Variants in TMCC2 observed in about 807,000 individuals in gnomAD.
TMCC2 encodes the protein transmembrane and coiled-coil domain family 2, also known as transmembrane and coiled-coil domains protein 2.
A neutral mutation model predicts 49.4 loss-of-function variants in TMCC2; 16 were observed. The ratio of observed to expected loss-of-function variants is 0.32; its 90% CI spans 0.22 to 0.49. TMCC2 has a LOEUF of 0.49. Among genes scored for constraint, TMCC2 ranks in the 20% least tolerant of loss-of-function variants. TMCC2 has a pLI of 0.99. For missense variants in TMCC2, 762 were observed against 989.8 expected (o/e 0.77, Z 3.09); for synonymous variants, 397 against 434.1 (o/e 0.91, Z 1.06).
intron 1 of TMCC2, among the ~76,000 whole-genome samples, chr1:205,239,494 G>C (rs1002699696): frequency 3.2e-4 from 49 of 152,214 alleles, no homozygotes; most frequent in Non-Finnish European, 6.9e-4. Flanking sequence ...AGCTGGCATT[G>C]TGTAACTTAA....
At chr1:205,234,536 GAAATACT>G (rs1443936782) in intron 1 of TMCC2, among the ~76,000 whole-genome samples, 6 of 152,164 alleles carry the variant, frequency 3.9e-5, no homozygotes, top group Non-Finnish European at 8.8e-5. Flanking sequence ...CAAATAGGAT[GAAATACT>G]TCTAAGAAAA....
intron 2 of TMCC2, among the ~76,000 whole-genome samples, chr1:205,265,407 A>G (rs1027492214): frequency 6.6e-6 from 1 of 152,326 alleles, no homozygotes; most frequent in Admixed American, 6.5e-5. Flanking sequence ...ACACTCCTGT[A>G]TAGTCCTAAA....
chr1:205,230,140 G>A, intron 1 of TMCC2: 2 of 985,564 alleles, frequency 2.0e-6, no homozygotes, highest in Non-Finnish European at 2.4e-6. Flanking sequence ...TTTGGCCTGA[G>A]CAGCTCAGAG....
intron 2 of TMCC2, chr1:205,246,562 C>T (rs1280444553): frequency 1.3e-5 from 20 of 1,547,052 alleles, no homozygotes; most frequent in East Asian, 7.4e-5. Context: ...GCTCTGCACG[C>T]GTTGGCTAAA....
chr1:205,265,596 C>CT (rs1661291126), intron 2 of TMCC2, among the ~76,000 whole-genome samples: 1 of 149,938 alleles, frequency 6.7e-6, no homozygotes, highest in Admixed American at 6.6e-5. Flanking sequence ...GAGTCTCGCT[C>CT]TGTCGCCCAG....
intron 1 of TMCC2, chr1:205,229,806 GC>G (rs1349852787): frequency 2.3e-5 from 23 of 985,194 alleles, no homozygotes; most frequent in Non-Finnish European, 2.8e-5. Flanking sequence ...GCCTGAGGTT[GC>G]CGAGACAATT....
chr1:205,265,372 C>T (rs996489765), intron 2 of TMCC2, among the ~76,000 whole-genome samples: 15 of 152,306 alleles, frequency 9.8e-5, no homozygotes, highest in African/African-American at 3.4e-4. Flanking sequence ...GAAGGAGCCA[C>T]GGCAGGTGGA....
rs180708240 is a variant in TMCC2 at position 205,271,673 on chromosome 1, C to G, written c.1819-140C>G. The G allele has an allele frequency of 6.0e-4, 656 of 1,100,594 alleles. 5 individuals carry two copies. The South Asian group carries it at 7.8e-3, about 13-fold the overall frequency. The allele number at this position is 1,100,594 out of a possible 1,614,324, so 68.2% of individuals were successfully genotyped here. ...CCTTAAAGGTCTCTGACCCCAGTTG[C>G]AGCTGGTCAACCTCCACTCCTCCTG... On this transcript the variant is annotated intron_variant, in intron 4 of 4. Transcript: ENST00000358024.
At chr1:205,228,819 T>C in intron 1 of TMCC2, 48 bp downstream of exon 1, 1 of 1,540,780 alleles carries the variant, frequency 6.5e-7, no homozygotes, top group African/African-American at 1.4e-5. Flanking sequence ...GACTTAGCTC[T>C]CGCCACCCCA....
chr1:205,255,347 G>A (rs972499805), intron 2 of TMCC2, among the ~76,000 whole-genome samples: 6 of 152,156 alleles, frequency 3.9e-5, no homozygotes, highest in Non-Finnish European at 2.9e-5. Flanking sequence ...GAGGTCAAGA[G>A]ATCAAGACCA....
At chr1:205,266,309 G>T (rs1264469447) in intron 2 of TMCC2, among the ~76,000 whole-genome samples, 1 of 151,312 alleles carries the variant, frequency 6.6e-6, no homozygotes, top group African/African-American at 2.4e-5. Flanking sequence ...CATAATTTTG[G>T]GCCGGGCGCG....
intron 1 of TMCC2, chr1:205,229,721 AGTT>A: frequency 1.0e-6 from 1 of 985,480 alleles, no homozygotes; most frequent in Non-Finnish European, 1.2e-6. Context: ...CCTCAGTTCA[AGTT>A]GCATACATGC....
At chr1:205,268,003 G>T in intron 2 of TMCC2, 1 of 985,386 alleles carries the variant, frequency 1.0e-6, no homozygotes, top group Non-Finnish European at 1.2e-6. Flanking sequence ...GGAAGGACTG[G>T]GGGCTTCCAC....
intron 1 of TMCC2, among the ~76,000 whole-genome samples, chr1:205,238,302 C>A (rs1259985109): frequency 2.0e-5 from 3 of 152,078 alleles, no homozygotes; most frequent in African/African-American, 4.8e-5. Flanking sequence ...CTCCCTGACA[C>A]CCACATGCAG....
At position 205,245,562 on chromosome 1, in the gene TMCC2, A is replaced by G. The variant is rs1339016574; in HGVS notation, c.747+3518A>G. 2.6e-5 allele frequency among the ~76,000 whole-genome samples: 4 copies of G among 152,308 alleles called. No homozygotes were observed. The East Asian group carries it at 7.7e-4, about 29-fold the overall frequency. ...GATCCATCTCCACGTACAGTTTTAA[A>G]TTGTCCTCTCATCAACACAGACTGT... On this transcript the variant is annotated intron_variant, in intron 2 of 4. Coordinates refer to ENST00000358024, the MANE Select transcript of TMCC2 (RefSeq NM_014858.4).
intron 2 of TMCC2, among the ~76,000 whole-genome samples, chr1:205,243,774 G>A (rs1463854424): frequency 6.6e-6 from 1 of 152,184 alleles, no homozygotes; most frequent in East Asian, 1.9e-4. Flanking sequence ...TTGGGTCTGT[G>A]GGGTAGGGGC....
In TMCC2 at chr1:205,272,329, T is replaced by C; in HGVS notation, c.*205T>C. 2 of 1,059,332 alleles carry C rather than the reference T, an allele frequency of 1.9e-6. No homozygotes were observed. Among genetic ancestry groups the C allele is most frequent in the Non-Finnish European group, 2.6e-6 (2 of 759,550 alleles). The allele number at this position is 1,059,332 out of a possible 1,614,324, so 65.6% of individuals were successfully genotyped here. On this transcript the variant is annotated 3_prime_UTR_variant, in exon 5 of 5. Transcript: ENST00000358024. ...AGGGAGCTTAGAATGCAGCCCTACC[T>C]GGAGATAGTGCGGGCACCTGTGGCC...
chr1:205,266,231 A>C, intron 2 of TMCC2, among the ~76,000 whole-genome samples: 1 of 123,356 alleles, frequency 8.1e-6, no homozygotes. Context: ...ACAGAGCGAG[A>C]CTCTGTCTCA....
intron 1 of TMCC2, chr1:205,229,230 C>T (rs960245751): frequency 1.2e-6 from 1 of 816,582 alleles, no homozygotes; most frequent in African/African-American, 1.9e-5. Context: ...GTTCTGTCGC[C>T]CAGGCTGGAG....
Sources: gnomAD v4.1 joint callset for allele counts (sites outside exome capture counted in the v4.1 genomes callset) on GRCh38, gnomAD v4.1.1 for gene constraint, MANE v1.5 for transcripts, NCBI Gene and HGNC (gene_info 2026-07-23, HGNC 2026-07-21) for gene names.